The following PSMA1 variants were observed in gnomAD, a reference collection of about 807,000 sequenced individuals.
PSMA1 encodes proteasome 20S subunit alpha 1.
Under a neutral mutation model 38.4 loss-of-function variants are expected in PSMA1, and 3 were observed. That is an observed-to-expected ratio of 0.08 (90% CI 0.04 to 0.20). The LOEUF (loss-of-function observed/expected upper bound fraction) is 0.20. Ranked by LOEUF, PSMA1 falls within the 10% of genes least tolerant of loss-of-function variation. The probability of loss-of-function intolerance (pLI) is 1.00; values close to 1 mark genes in which losing one functional copy is unlikely to be tolerated. For missense variants in PSMA1, 227 were observed against 325.3 expected (o/e 0.70, Z 2.32); for synonymous variants, 101 against 107.1 (o/e 0.94, Z 0.35).
intron 2 of PSMA1, among the ~76,000 whole-genome samples, chr11:14,576,316 G>C (rs1284958785): frequency 6.6e-6 from 1 of 152,100 alleles, no homozygotes; most frequent in Admixed American, 6.5e-5. Flanking sequence ...GGCTTTTGTT[G>C]CCATTGCTTT....
chr11:14,618,546 C>T (rs1852803143), intron 1 of PSMA1, among the ~76,000 whole-genome samples: 1 of 152,128 alleles, frequency 6.6e-6, no homozygotes, highest in African/African-American at 2.4e-5. Context: ...TGGAATTATC[C>T]AAATCCTAAG....
chr11:14,618,662 T>G (rs181039563), intron 1 of PSMA1, among the ~76,000 whole-genome samples: 2 of 152,234 alleles, frequency 1.3e-5, no homozygotes, highest in Non-Finnish European at 2.9e-5. Flanking sequence ...CATTACATTA[T>G]AGACAAATGA....
Position 14,629,637 on chromosome 11 carries a change from A to G in PSMA1, c.-166+13818T>C, listed in dbSNP as rs887547152. 1.1e-3 allele frequency among the ~76,000 whole-genome samples: 172 copies of G among 152,204 alleles called. 1 individual carries two copies. The highest frequency in any genetic ancestry group is 4.2e-3 in the South Asian group (20 of 4,816). The stretch of plus-strand genomic sequence containing the variant: ...GCTTTGTTCTTTTGGCTTAGGATTG[A>G]CTTGGTGATGCGGGCTCTTTTTTGG... On this transcript the variant is annotated intron_variant, in intron 1 of 10. Coordinates refer to the PSMA1 transcript ENST00000418988.
chr11:14,573,615 GC>G (rs1300252320), intron 2 of PSMA1, among the ~76,000 whole-genome samples: 1 of 152,136 alleles, frequency 6.6e-6, no homozygotes, highest in African/African-American at 2.4e-5. Context: ...GACAGGGATG[GC>G]CTCTCTCACC....
At chr11:14,577,500 C>G (rs555158373) in intron 2 of PSMA1, among the ~76,000 whole-genome samples, 1 of 152,302 alleles carries the variant, frequency 6.6e-6, no homozygotes, top group African/African-American at 2.4e-5. Flanking sequence ...CAACCTGCCT[C>G]ATCTTGAAAT....
At chr11:14,598,681 C>G (rs1852536183) in intron 2 of PSMA1, among the ~76,000 whole-genome samples, 1 of 148,462 alleles carries the variant, frequency 6.7e-6, no homozygotes, top group Non-Finnish European at 1.5e-5. Flanking sequence ...ACTGATGGGT[C>G]TTGACTCTTT....
rs1851681544 is a variant in PSMA1 at position 14,534,377 on chromosome 11, TATAA to T, written c.22-15340_22-15337del. Among the ~76,000 whole-genome samples, 1 of 152,266 alleles carries T rather than the reference TATAA, an allele frequency of 6.6e-6. No homozygotes were observed. Among genetic ancestry groups the T allele is most frequent in the African/African-American group, 2.4e-5 (1 of 41,476 alleles). ...TGTATAGCTATAAGGTATTACATCA[TATAA>T]ATGTTTCATAATTTATTTGACTAAT... On this transcript the variant is annotated intron_variant, in intron 2 of 10. Transcript: ENST00000418988. This position sits in a 1 kb window ranked among gnomAD's most constrained non-coding sequence, Gnocchi z 4.5.
chr11:14,610,528 T>C (rs1852697020), intron 2 of PSMA1, among the ~76,000 whole-genome samples: 1 of 152,236 alleles, frequency 6.6e-6, no homozygotes, highest in Non-Finnish European at 1.5e-5. Flanking sequence ...CTAGTGAGTG[T>C]CTACACCTAT....
chr11:14,550,125 C>CAAAG (rs1943953658), intron 2 of PSMA1, among the ~76,000 whole-genome samples: 1 of 152,142 alleles, frequency 6.6e-6, no homozygotes, highest in South Asian at 2.1e-4. Context: ...CTCTTCATCT[C>CAAAG]AAAGGACAGA....
chr11:14,580,011 T>C (rs1265864791), intron 2 of PSMA1, among the ~76,000 whole-genome samples: 2 of 152,184 alleles, frequency 1.3e-5, no homozygotes. Flanking sequence ...ACAAATTGGG[T>C]TGATCTGAAG....
rs753699022 is a variant in PSMA1, at chr11:14,520,347, AG to A, written c.-49del. 5 of 1,614,160 alleles carry A rather than the reference AG, an allele frequency of 3.1e-6. No individual in the cohort carries two copies. In the South Asian group the frequency reaches 5.5e-5, roughly 18 times the overall value. On this transcript the variant is annotated 5_prime_UTR_variant, in exon 1 of 10. Coordinates refer to ENST00000396394, the MANE Select transcript of PSMA1 (RefSeq NM_002786.4). ...CGGCCTCCAGCAAAACTGAGAATCA[AG>A]GAGGTGCTGCCGAAAGTATCGCTCA...
chr11:14,629,119 T>C lies in PSMA1; in HGVS notation c.-166+14336A>G, dbSNP rs1397388095. Among the ~76,000 whole-genome samples, 597 of 151,122 alleles carry C rather than the reference T, an allele frequency of 4.0e-3. 7 individuals carry two copies. The highest frequency in any genetic ancestry group is 0.013 in the African/African-American group (520 of 41,066). ...AAATTTTCTCCCATTTTGTAGGTTG[T>C]CTGTTCACTCTGATGGTAGTTTCTT... is the stretch of plus-strand genomic sequence containing the variant. On this transcript the variant is annotated intron_variant, in intron 1 of 10. Transcript: ENST00000418988.
chr11:14,521,916 G>T (rs1851535850), upstream of PSMA1, among the ~76,000 whole-genome samples: 1 of 152,086 alleles, frequency 6.6e-6, no homozygotes, highest in Non-Finnish European at 1.5e-5. Context: ...TGATTTGGTG[G>T]ACTAAATTAA....
At position 14,507,782 on chromosome 11, in the gene PSMA1, T is replaced by G. The variant is rs1851270691; in HGVS notation, c.625-16A>C. The G allele has an allele frequency of 1.4e-6, 2 of 1,479,088 alleles. No individual in the cohort carries two copies. Among genetic ancestry groups the G allele is most frequent in the African/African-American group, 2.8e-5 (2 of 71,050 alleles). 91.6% of individuals were successfully genotyped at this position (1,479,088 alleles called of 1,614,324 possible). On this transcript the variant is annotated splice_polypyrimidine_tract_variant and intron_variant, in intron 8 of 9. Coordinates refer to ENST00000396394, the MANE Select transcript of PSMA1 (RefSeq NM_002786.4). ...TGGAAACATTCTGAAGGGTAAAATA[T>G]GGTAAAAGTAAAATAAGAGAATTTG...
rs1382486201 is a variant in PSMA1, at chr11:14,575,761, T to C, written c.21+35205A>G. Among the ~76,000 whole-genome samples the C allele has an allele frequency of 3.3e-5, 5 of 152,218 alleles. No homozygotes were observed. The East Asian group carries it at 9.6e-4, about 29-fold the overall frequency. On this transcript the variant is annotated intron_variant, in intron 2 of 10. Transcript: ENST00000418988. ...TTATAGCAGCATGATTTATAATCCT[T>C]TGGGTATATACCCAGTAATGGGATT...
chr11:14,560,113 T>C (rs553902467), intron 2 of PSMA1, among the ~76,000 whole-genome samples: 116 of 152,328 alleles, frequency 7.6e-4, no homozygotes, highest in African/African-American at 2.8e-3. Context: ...AGATAAATTA[T>C]ATGAGAGCTA....
At chr11:14,594,309 G>C (rs1852457477) in intron 2 of PSMA1, among the ~76,000 whole-genome samples, 1 of 152,168 alleles carries the variant, frequency 6.6e-6, no homozygotes, top group Admixed American at 6.5e-5. Flanking sequence ...ACACAGGTCA[G>C]AGTGTGAGCA....
intron 1 of PSMA1, among the ~76,000 whole-genome samples, chr11:14,630,090 T>A (rs908889695): frequency 9.8e-5 from 15 of 152,288 alleles, no homozygotes; most frequent in Admixed American, 8.5e-4. Context: ...TTTCTAGATA[T>A]ACAATCATGT....
chr11:14,631,765 G>A (rs186867216), intron 1 of PSMA1, among the ~76,000 whole-genome samples: 1 of 152,190 alleles, frequency 6.6e-6, no homozygotes, highest in Admixed American at 6.5e-5. Context: ...TGACATTGGG[G>A]TGTTAAAATC....
Sources: allele counts gnomAD v4.1 joint callset (sites outside exome capture counted in the v4.1 genomes callset), GRCh38; gene constraint gnomAD v4.1.1; non-coding constraint Gnocchi (gnomAD v3.1); transcripts MANE v1.5; gene names NCBI Gene and HGNC (gene_info 2026-07-23, HGNC 2026-07-21).